Variants in PRKD2 observed in about 807,000 individuals in gnomAD.
The protein encoded by PRKD2 is protein kinase D2, also known as serine/threonine-protein kinase D2.
Under a neutral mutation model 86.0 loss-of-function variants are expected in PRKD2, and 22 were observed. The observed-to-expected ratio is 0.26, with a 90% CI of 0.18 to 0.37. The LOEUF (loss-of-function observed/expected upper bound fraction) is 0.37. PRKD2 is among the 10% of genes least tolerant of loss of function. PRKD2 has a pLI of 1.00. For missense variants in PRKD2, 818 were observed against 1,199.2 expected (o/e 0.68, Z 4.70); for synonymous variants, 509 against 510.9 (o/e 1.00, Z 0.05).
intron 16 of PRKD2, 138 bp from the exon 17 acceptor site, chr19:46,675,256 G>A (rs1294104734): frequency 2.9e-6 from 2 of 680,784 alleles, no homozygotes; most frequent in East Asian, 5.5e-5. Flanking sequence ...CCTCACCTGT[G>A]CCAATCACTC....
intron 1 of PRKD2, among the ~76,000 whole-genome samples, chr19:46,715,530 G>A (rs1020080987): frequency 6.6e-6 from 1 of 152,146 alleles, no homozygotes; most frequent in Non-Finnish European, 1.5e-5. Flanking sequence ...ACACCCAGCT[G>A]CCCACCCTGG....
intron 14 of PRKD2, chr19:46,685,593 A>G (rs1478865928): frequency 6.6e-6 from 1 of 152,394 alleles, no homozygotes; most frequent in Non-Finnish European, 1.5e-5. Flanking sequence ...GGCCAGAAAG[A>G]GAAACCCCCT....
chr19:46,702,932 A>G (rs964866912), intron 5 of PRKD2, among the ~76,000 whole-genome samples: 8 of 152,056 alleles, frequency 5.3e-5, no homozygotes, highest in African/African-American at 1.4e-4. Context: ...CAAGTGATCC[A>G]CCTACCTTGG....
At chr19:46,714,913 C>T (rs988892264) in intron 1 of PRKD2, among the ~76,000 whole-genome samples, 1 of 152,164 alleles carries the variant, frequency 6.6e-6, no homozygotes, top group Admixed American at 6.5e-5. Flanking sequence ...ACCAGGACTG[C>T]CTTGGCCCTG....
Position 46,713,909 on chromosome 19 carries a change from C to A in PRKD2, c.333G>T (p.Ser111=). ...GGTCGCCCTCCTGGATGTCTCCGGA[C>A]GAGCGCACCAGCTGCAGGAGGTTGG... ...TSANLLQLVR[S]SGDIQEGDLV... is the part of the protein sequence containing the mutation. The change falls in exon 2 of 18, where the codon TCG becomes TCT. Residue 111 remains serine (S), a synonymous_variant. Coordinates refer to ENST00000291281, the MANE Select transcript of PRKD2 (RefSeq NM_016457.5). 1 of 1,613,030 alleles carries A rather than the reference C, an allele frequency of 6.2e-7. No homozygotes were observed. Among genetic ancestry groups the A allele is most frequent in the Non-Finnish European group, 8.5e-7 (1 of 1,179,628 alleles).
chr19:46,705,900 C>T (rs2053708327), intron 3 of PRKD2, among the ~76,000 whole-genome samples: 1 of 152,180 alleles, frequency 6.6e-6, no homozygotes, highest in Non-Finnish European at 1.5e-5. Context: ...CCCTGTACCC[C>T]CGGCTGAAGC....
At chr19:46,680,755 G>A (rs1017006101) in intron 15 of PRKD2, among the ~76,000 whole-genome samples, 2 of 151,128 alleles carry the variant, frequency 1.3e-5, no homozygotes, top group African/African-American at 4.9e-5. Context: ...CCCAGCTGGA[G>A]TGCAGTGGCA....
chr19:46,675,867 T>C (rs907598024), intron 16 of PRKD2, among the ~76,000 whole-genome samples: 1 of 151,966 alleles, frequency 6.6e-6, no homozygotes, highest in Non-Finnish European at 1.5e-5. Context: ...CCCAGCTTAA[T>C]TGATTCTCCT....
intron 14 of PRKD2, among the ~76,000 whole-genome samples, chr19:46,685,258 CAAAAAAAAAA>C (rs763420052): frequency 7.9e-5 from 7 of 89,116 alleles, no homozygotes; most frequent in African/African-American, 3.6e-4. Flanking sequence ...GACTTCGTCT[CAAAAAAAAAA>C]AAAAAAAAAG....
chr19:46,690,375 G>A (rs969458709), intron 13 of PRKD2, among the ~76,000 whole-genome samples: 16 of 152,144 alleles, frequency 1.1e-4, no homozygotes, highest in African/African-American at 3.9e-4. Flanking sequence ...GTCTGGCTCC[G>A]CCCTCCTCCC....
intron 11 of PRKD2, 54 bp from the exon 12 acceptor site, chr19:46,691,861 G>T: frequency 1.2e-6 from 2 of 1,611,124 alleles, no homozygotes; most frequent in Non-Finnish European, 1.7e-6. Context: ...GGGGAAGGGG[G>T]AGTCAAGGAG....
chr19:46,694,944 G>A (rs958159942), intron 9 of PRKD2, among the ~76,000 whole-genome samples: 1 of 152,190 alleles, frequency 6.6e-6, no homozygotes, highest in African/African-American at 2.4e-5. Flanking sequence ...CCACAAGCCT[G>A]TAATCCCAGC....
chr19:46,714,026 C>T lies in PRKD2; in HGVS notation c.241-25G>A, dbSNP rs1460094492. The T allele has an allele frequency of 2.5e-6, 4 of 1,609,200 alleles. No homozygotes were observed. The African/African-American group carries it at 5.3e-5, about 21-fold the overall frequency. ...ACTGAGGGGCGGGAGAGGGATGTGGCGACGGAAAAGCTCAGAGCCGCCTTC... is the reference window on the plus strand; with the variant it reads ...ACTGAGGGGCGGGAGAGGGATGTGGTGACGGAAAAGCTCAGAGCCGCCTTC... On this transcript the variant is annotated intron_variant, in intron 1 of 17. Coordinates refer to ENST00000291281, the MANE Select transcript of PRKD2 (RefSeq NM_016457.5).
chr19:46,715,517 A>G (rs1020374492), intron 1 of PRKD2, among the ~76,000 whole-genome samples: 1 of 152,218 alleles, frequency 6.6e-6, no homozygotes, highest in Non-Finnish European at 1.5e-5. Flanking sequence ...TCCTCTTGCC[A>G]TAACACCCAG....
intron 15 of PRKD2, among the ~76,000 whole-genome samples, chr19:46,679,334 A>C (rs2053261100): frequency 6.6e-6 from 1 of 151,972 alleles, no homozygotes. Context: ...CGTCTCAAAA[A>C]ACAAACAAAA....
In PRKD2 at chr19:46,704,238, G is replaced by T. The variant is rs1296758071; in HGVS notation, c.820C>A (p.Arg274=). 6.2e-7 allele frequency: 1 copy of T among 1,614,112 alleles called. No homozygotes were observed. Among genetic ancestry groups the T allele is most frequent in the Non-Finnish European group, 8.5e-7 (1 of 1,180,042 alleles). ...TTGCAAGCCTGGCAAACGGTGGGCCGTGTATAGCTGTGGATGAGGAAGGTG... is the reference window on the plus strand; with the variant it reads ...TTGCAAGCCTGGCAAACGGTGGGCCTTGTATAGCTGTGGATGAGGAAGGTG... ...PHTFLIHSYT[R]PTVCQACKKL... is the part of the protein sequence containing the mutation. The change falls in exon 5 of 18, where the codon CGG becomes AGG. Residue 274 remains arginine (R), a synonymous_variant. Transcript: ENST00000291281.
At chr19:46,690,155 C>T (rs1340127655) in intron 13 of PRKD2, among the ~76,000 whole-genome samples, 2 of 151,994 alleles carry the variant, frequency 1.3e-5, no homozygotes, top group Non-Finnish European at 2.9e-5. Flanking sequence ...AAATCCATAC[C>T]CCCTCTCACA....
chr19:46,713,774 C>G (rs934037628), intron 2 of PRKD2, 89 bp downstream of exon 2: 37 of 1,258,018 alleles, frequency 2.9e-5, no homozygotes, highest in Non-Finnish European at 3.7e-5. Context: ...CCCGGCCTCT[C>G]CTGACTTCTA....
intron 10 of PRKD2, 121 bp from the exon 11 acceptor site, chr19:46,692,106 T>C (rs2053492494): frequency 1.1e-6 from 1 of 944,006 alleles, no homozygotes; most frequent in East Asian, 2.5e-5. Flanking sequence ...TTCGATACAA[T>C]GTGCAACTTC....
Sources: allele counts gnomAD v4.1 joint callset (sites outside exome capture counted in the v4.1 genomes callset), GRCh38; gene constraint gnomAD v4.1.1; transcripts MANE v1.5; gene names NCBI Gene and HGNC (gene_info 2026-07-23, HGNC 2026-07-21).